TEK: variants seen among roughly 807,000 people sequenced by gnomAD.
TEK encodes TEK receptor tyrosine kinase.
Under a neutral mutation model 131.8 loss-of-function variants are expected in TEK, and 43 were observed. The ratio of observed to expected loss-of-function variants is 0.33; its 90% CI spans 0.26 to 0.42. The LOEUF (loss-of-function observed/expected upper bound fraction) is 0.42, where lower values mean the gene tolerates loss of function less well. Ranked by LOEUF, TEK falls within the 10% of genes least tolerant of loss-of-function variation. The pLI, the probability that TEK is intolerant of heterozygous loss-of-function variation, is 1.00. For missense variants in TEK, 1,162 were observed against 1,384.4 expected, an observed-to-expected ratio of 0.84 and a Z score of 2.55; for synonymous variants, 580 against 491.6, an observed-to-expected ratio of 1.18 and a Z score of -2.38.
At chr9:27,144,196 C>T (rs148055342) in intron 1 of TEK, among the ~76,000 whole-genome samples, 2,232 of 152,092 alleles carry the variant, frequency 0.015, 54 homozygotes, top group African/African-American at 0.051. Context: ...GCATGAGAAT[C>T]GCTTGAACCC....
chr9:27,130,473 T>C (rs540012144), intron 1 of TEK, among the ~76,000 whole-genome samples: 1 of 152,234 alleles, frequency 6.6e-6, no homozygotes, highest in East Asian at 1.9e-4. Flanking sequence ...AAGGACTTTT[T>C]AAGTTTAAAA....
At chr9:27,125,971 A>G (rs1249155576) in intron 1 of TEK, among the ~76,000 whole-genome samples, 1 of 152,194 alleles carries the variant, frequency 6.6e-6, no homozygotes, top group Non-Finnish European at 1.5e-5. Flanking sequence ...AAAAAAACAC[A>G]GAAACTTGCA....
intron 1 of TEK, among the ~76,000 whole-genome samples, chr9:27,128,351 G>C (rs1456174979): frequency 1.3e-5 from 2 of 152,044 alleles, no homozygotes; most frequent in African/African-American, 2.4e-5. Context: ...TCTTTTGGTA[G>C]CAGTACCATG....
At chr9:27,135,945 C>T (rs1021323779) in intron 1 of TEK, among the ~76,000 whole-genome samples, 1 of 152,144 alleles carries the variant, frequency 6.6e-6, no homozygotes, top group African/African-American at 2.4e-5. Context: ...AAATGTTTAT[C>T]TTTTTGTTCT....
At chr9:27,226,410 G>T (rs1278057630) in intron 21 of TEK, among the ~76,000 whole-genome samples, 1 of 152,186 alleles carries the variant, frequency 6.6e-6, no homozygotes, top group Admixed American at 6.5e-5. Context: ...CATAAGAAAG[G>T]ATGAGTTCTT....
chr9:27,173,941 A>ACG (rs145906467), intron 6 of TEK, among the ~76,000 whole-genome samples: 1 of 151,160 alleles, frequency 6.6e-6, no homozygotes. Context: ...AAAAAAAAAA[A>ACG]TCAAAATCAG....
Position 27,168,533 on chromosome 9 carries a change from A to C in TEK, c.403A>C (p.Lys135Gln), listed in dbSNP as rs1003139562. The change falls in exon 3 of 23, where the codon AAG becomes CAG. Residue 135 changes from lysine (K) to glutamine (Q), a missense_variant. By Grantham distance (53) the Lys-to-Gln change is moderately conservative. Coordinates refer to ENST00000380036, the MANE Select transcript of TEK (RefSeq NM_000459.5). ...LPATLTMTVDKGDNVNISFKK... is the reference protein window; with the variant it reads ...LPATLTMTVDQGDNVNISFKK... ...AGCTACTTTAACTATGACTGTGGACAAGGGAGATAACGTGAACATATCTTT... is the reference window on the plus strand; with the variant it reads ...AGCTACTTTAACTATGACTGTGGACCAGGGAGATAACGTGAACATATCTTT... The C allele has an allele frequency of 6.2e-7, 1 of 1,613,906 alleles. No homozygotes were observed. The highest frequency in any genetic ancestry group is 1.3e-5 in the African/African-American group (1 of 74,942).
intron 1 of TEK, among the ~76,000 whole-genome samples, chr9:27,136,062 C>G (rs1472564607): frequency 6.6e-6 from 1 of 151,004 alleles, no homozygotes; most frequent in Admixed American, 6.6e-5. Flanking sequence ...ACGAGGTTTC[C>G]TCTGTGAATT....
In TEK at chr9:27,126,916, T is replaced by A. The variant is rs150081900; in HGVS notation, c.52+17274T>A. Among the ~76,000 whole-genome samples, 274 of 152,238 alleles carry A rather than the reference T, an allele frequency of 1.8e-3. 2 individuals carry two copies. The highest frequency in any genetic ancestry group is 6.3e-3 in the African/African-American group (260 of 41,544). ...CCCATTACAAGCAAGAGCCAACACT[T>A]AGAGATGCCAAAACAACATAAAACA... On this transcript the variant is annotated intron_variant, in intron 1 of 22. Transcript: ENST00000380036.
At chr9:27,211,973 C>G (rs1825649231) in intron 16 of TEK, among the ~76,000 whole-genome samples, 1 of 144,658 alleles carries the variant, frequency 6.9e-6, no homozygotes, top group Non-Finnish European at 1.5e-5. Flanking sequence ...AGTAACAAAA[C>G]TGGGCAAATA....
At position 27,209,169 on chromosome 9, in the gene TEK, T is replaced by C. The variant is rs978999358; in HGVS notation, c.2624T>C (p.Val875Ala). ...AGGGACTTTGCAGGAGAACTGGAAG[T>C]TCTTTGTAAACTTGGACACCATCCA... The part of the protein sequence containing the change: ...DHRDFAGELE[V>A]LCKLGHHPNI... The change falls in exon 16 of 23, where the codon GTT (valine) becomes GCT (alanine). Residue 875 changes from valine to alanine, a missense_variant. Around this residue, in one of 6 missense-constraint regions of TEK, gnomAD observed 57 missense variants for 100.8 expected, o/e 0.57. Transcript: ENST00000380036. 3 of 1,613,950 alleles carry C rather than the reference T, an allele frequency of 1.9e-6. No individual in the cohort carries two copies. Among genetic ancestry groups the C allele is most frequent in the Admixed American group, 3.3e-5 (2 of 60,004 alleles).
At chr9:27,197,209 A>G (rs1399479289) in intron 11 of TEK, 106 bp from the exon 12 acceptor site, 3 of 1,278,548 alleles carry the variant, frequency 2.3e-6, no homozygotes, top group Non-Finnish European at 3.3e-6. Flanking sequence ...ACCAGGCCCC[A>G]CCTCCAACAC....
At chr9:27,225,047 C>A (rs1388067088) in intron 21 of TEK, among the ~76,000 whole-genome samples, 1 of 152,138 alleles carries the variant, frequency 6.6e-6, no homozygotes, top group Non-Finnish European at 1.5e-5. Context: ...ATCCAACTTA[C>A]AAGGGATGTG....
rs183991501 is a variant in TEK at position 27,212,831 on chromosome 9, C to G, written c.2811C>G (p.Ser937=). 6.2e-7 allele frequency: 1 copy of G among 1,614,160 alleles called. No individual in the cohort carries two copies. The highest frequency in any genetic ancestry group is 8.5e-7 in the Non-Finnish European group (1 of 1,180,020). The change falls in exon 17 of 23, where the codon TCC becomes TCG. Residue 937 remains serine, a synonymous_variant. Coordinates refer to ENST00000380036, the MANE Select transcript of TEK (RefSeq NM_000459.5). ...AIANSTASTL[S]SQQLLHFAAD... ...CCAATAGCACCGCGTCCACACTGTCCTCCCAGCAGCTCCTTCACTTCGCTG... is the reference window on the plus strand; with the variant it reads ...CCAATAGCACCGCGTCCACACTGTCGTCCCAGCAGCTCCTTCACTTCGCTG...
chr9:27,208,790 A>C (rs1040763017), intron 15 of TEK, among the ~76,000 whole-genome samples: 4 of 152,344 alleles, frequency 2.6e-5, no homozygotes, highest in South Asian at 4.1e-4. Context: ...AGAAAACTTT[A>C]GAGTAGTGGT....
chr9:27,127,636 A>T (rs1404298504), intron 1 of TEK, among the ~76,000 whole-genome samples: 1 of 152,214 alleles, frequency 6.6e-6, no homozygotes, highest in Non-Finnish European at 1.5e-5. Flanking sequence ...ATCCTCCAGC[A>T]TCTGTTGTTT....
At chr9:27,224,044 T>TC (rs1468256635) in intron 21 of TEK, among the ~76,000 whole-genome samples, 2 of 152,176 alleles carry the variant, frequency 1.3e-5, no homozygotes, top group African/African-American at 4.8e-5. Flanking sequence ...ACATACATCC[T>TC]CCTATGTTTA....
intron 6 of TEK, among the ~76,000 whole-genome samples, chr9:27,176,868 G>GAA (rs1824189926): frequency 6.6e-6 from 1 of 152,138 alleles, no homozygotes; most frequent in African/African-American, 2.4e-5. Flanking sequence ...TAGTCCCTGG[G>GAA]AACCACTATG....
At chr9:27,140,396 G>GAAA (rs59569720) in intron 1 of TEK, among the ~76,000 whole-genome samples, 1 of 113,364 alleles carries the variant, frequency 8.8e-6, no homozygotes, top group East Asian at 3.5e-4. Flanking sequence ...TAGCAAAAAA[G>GAAA]AAAAAAAAAA....
Sources: gnomAD v4.1 joint callset for allele counts (sites outside exome capture counted in the v4.1 genomes callset) on GRCh38, gnomAD v4.1.1 for gene constraint, gnomAD v4.1.1 regional missense constraint, MANE v1.5 for transcripts, NCBI Gene and HGNC (gene_info 2026-07-23, HGNC 2026-07-21) for gene names.